The following SEMA4D variants were observed in gnomAD, a reference collection of about 807,000 sequenced individuals.
SEMA4D encodes semaphorin 4D.
In SEMA4D, 22 loss-of-function variants were observed where a neutral mutation model predicts 74.8. That is an observed-to-expected ratio of 0.29 (90% CI 0.21 to 0.42). The LOEUF is 0.42. SEMA4D is among the 10% of genes least tolerant of loss of function. The pLI is 1.00. For missense variants in SEMA4D, 937 were observed against 1,118.4 expected, an observed-to-expected ratio of 0.84 and a Z score of 2.31; for synonymous variants, 445 against 463.7, an observed-to-expected ratio of 0.96 and a Z score of 0.52.
At chr9:89,450,198 G>A in intron 2 of SEMA4D, 1 of 1,285,874 alleles carries the variant, frequency 7.8e-7, no homozygotes, top group Non-Finnish European at 1.1e-6. Context: ...GAAGGACCAT[G>A]AAAAAGCTGA....
intron 1 of SEMA4D, among the ~76,000 whole-genome samples, chr9:89,471,396 T>A (rs1003850354): frequency 6.6e-6 from 1 of 152,270 alleles, no homozygotes; most frequent in African/African-American, 2.4e-5. Context: ...AAACTCATGT[T>A]CTTCCACAAG....
intron 2 of SEMA4D, among the ~76,000 whole-genome samples, chr9:89,423,865 C>A: frequency 6.8e-6 from 1 of 147,954 alleles, no homozygotes. Context: ...TCCCTCAGCA[C>A]CTCCCCTCCC....
At chr9:89,407,157 C>T (rs914088278) in intron 2 of SEMA4D, among the ~76,000 whole-genome samples, 2 of 152,164 alleles carry the variant, frequency 1.3e-5, no homozygotes, top group African/African-American at 4.8e-5. Context: ...AACAAAATTC[C>T]GAGGTTACTT....
chr9:89,430,528 G>GT (rs1849043268), intron 2 of SEMA4D, among the ~76,000 whole-genome samples: 1 of 152,232 alleles, frequency 6.6e-6, no homozygotes, highest in Non-Finnish European at 1.5e-5. Flanking sequence ...ACCAGCCACA[G>GT]TTACTGGGGA....
At chr9:89,495,240 C>T (rs1254414017) in intron 1 of SEMA4D, among the ~76,000 whole-genome samples, 1 of 152,122 alleles carries the variant, frequency 6.6e-6, no homozygotes, top group Non-Finnish European at 1.5e-5. Flanking sequence ...TGTGACACCC[C>T]CAGCTAAAGG....
rs767659889 is a variant in SEMA4D, at chr9:89,378,822, C to T, written c.2471G>A (p.Ser824Asn). 6.2e-7 allele frequency: 1 copy of T among 1,614,150 alleles called. No homozygotes were observed. Among genetic ancestry groups the T allele is most frequent in the Non-Finnish European group, 8.5e-7 (1 of 1,180,032 alleles). ...GTCCTCCCTATCCGTGGGGACTTTG[C>T]TGGTGATGGTGTCTTGCTCGGTCTC... ...GYETEQDTIT[S>N]KVPTDREDSQ... is the part of the protein sequence containing the mutation. The change falls in exon 16 of 16, where the codon AGC (serine) becomes AAC (asparagine). Residue 824 changes from serine (S) to asparagine (N), a missense_variant. Transcript: ENST00000422704.
chr9:89,476,381 T>C (rs1464145175), intron 1 of SEMA4D, among the ~76,000 whole-genome samples: 1 of 152,206 alleles, frequency 6.6e-6, no homozygotes, highest in African/African-American at 2.4e-5. Flanking sequence ...TACCCAGATA[T>C]CTGGCCAATC....
intron 1 of SEMA4D, chr9:89,472,349 A>C (rs1860584347): frequency 9.5e-6 from 4 of 422,306 alleles, no homozygotes; most frequent in South Asian, 7.7e-5. Context: ...TGGGATTGAG[A>C]AGATGATGGA....
chr9:89,376,619 CT>C (rs1403930387), downstream of SEMA4D: 1 of 646,314 alleles, frequency 1.5e-6, no homozygotes, highest in Non-Finnish European at 2.6e-6. Flanking sequence ...TGGTTGACCC[CT>C]GTACACTAGA....
At chr9:89,376,644 T>G, downstream of SEMA4D, 2 of 804,546 alleles carry the variant, frequency 2.5e-6, no homozygotes, top group Non-Finnish European at 3.8e-6. Flanking sequence ...GGCTTCACAC[T>G]GTCTACAGTT....
chr9:89,394,847 T>G (rs912108679), intron 6 of SEMA4D, among the ~76,000 whole-genome samples: 1 of 152,226 alleles, frequency 6.6e-6, no homozygotes, highest in African/African-American at 2.4e-5. Flanking sequence ...GACTGGAGAC[T>G]GGATGATGCT....
chr9:89,457,218 G>A (rs1856150250), intron 1 of SEMA4D, among the ~76,000 whole-genome samples: 1 of 152,138 alleles, frequency 6.6e-6, no homozygotes, highest in African/African-American at 2.4e-5. Context: ...AGCCTGTGAT[G>A]GGGTGGGGAA....
intron 1 of SEMA4D, among the ~76,000 whole-genome samples, chr9:89,458,499 CACATGCCACAA>C (rs981208888): frequency 2.0e-5 from 3 of 151,790 alleles, no homozygotes; most frequent in African/African-American, 4.8e-5. Flanking sequence ...ACATGCCACA[CACATGCCACAA>C]ACATGCATCA....
intron 16 of SEMA4D, among the ~76,000 whole-genome samples, chr9:89,370,811 T>G (rs1834491581): frequency 7.2e-6 from 1 of 138,280 alleles, no homozygotes; most frequent in Non-Finnish European, 1.6e-5. Flanking sequence ...GTGGCATGTG[T>G]GTGGGTGTGG....
chr9:89,382,581 ACAG>A (rs748681698), intron 13 of SEMA4D, among the ~76,000 whole-genome samples: 14 of 151,892 alleles, frequency 9.2e-5, no homozygotes, highest in African/African-American at 1.2e-4. Context: ...CGCTGGCCTC[ACAG>A]CAGCAGCAGC....
At position 89,381,613 on chromosome 9, in the gene SEMA4D, G is replaced by C. The variant is rs924685791; in HGVS notation, c.1447-267C>G. ...GGCACCCACAGGTGCCTGCCCTCCAGCAAAGCGCTTCTCTGCACGTGTTTC... is the reference window on the plus strand; with the variant it reads ...GGCACCCACAGGTGCCTGCCCTCCACCAAAGCGCTTCTCTGCACGTGTTTC... On this transcript the variant is annotated intron_variant, in intron 13 of 15. Coordinates refer to ENST00000422704, the MANE Select transcript of SEMA4D (RefSeq NM_001371194.2). This position sits in a 1 kb window ranked among gnomAD's most constrained non-coding sequence, Gnocchi z 4.6. 3 of 367,468 alleles carry C rather than the reference G, an allele frequency of 8.2e-6. No homozygotes were observed. Among genetic ancestry groups the C allele is most frequent in the Non-Finnish European group, 1.5e-5 (3 of 203,500 alleles). 22.8% of individuals were successfully genotyped at this position (367,468 alleles called of 1,614,324 possible).
At chr9:89,435,555 T>C (rs1850206125) in intron 2 of SEMA4D, among the ~76,000 whole-genome samples, 1 of 152,118 alleles carries the variant, frequency 6.6e-6, no homozygotes, top group African/African-American at 2.4e-5. Context: ...TCTCTGACTT[T>C]CACACACCTG....
Position 89,405,633 on chromosome 9 carries a change from A to C in SEMA4D, c.-177T>G, listed in dbSNP as rs1843165346. On this transcript the variant is annotated 5_prime_UTR_variant, in exon 3 of 16. Transcript: ENST00000422704. ...ACATTTCCCAGTTCTCCAGGTGAGG[A>C]GGGGTCGCTCTCACCACCGCAATGT... 1 of 1,434,576 alleles carries C rather than the reference A, an allele frequency of 7.0e-7. No individual in the cohort carries two copies. Among genetic ancestry groups the C allele is most frequent in the East Asian group, 2.5e-5 (1 of 39,884 alleles). The allele number at this position is 1,434,576 out of a possible 1,614,324, so 88.9% of individuals were successfully genotyped here.
intron 13 of SEMA4D, chr9:89,385,169 C>T (rs1838166423): frequency 1.1e-6 from 1 of 900,260 alleles, no homozygotes; most frequent in Non-Finnish European, 1.3e-6. Context: ...TGCGGCCCTC[C>T]TCTTCCTACC....
Sources: allele counts gnomAD v4.1 joint callset (sites outside exome capture counted in the v4.1 genomes callset), GRCh38; gene constraint gnomAD v4.1.1; non-coding constraint Gnocchi (gnomAD v3.1); transcripts MANE v1.5; gene names NCBI Gene and HGNC (gene_info 2026-07-23, HGNC 2026-07-21).